The following HS3ST4 variants were observed in gnomAD, a reference collection of about 807,000 sequenced individuals.
HS3ST4 encodes the protein heparan sulfate-glucosamine 3-sulfotransferase 4, also known as heparan sulfate glucosamine 3-O-sulfotransferase 4.
Under a neutral mutation model 29.2 loss-of-function variants are expected in HS3ST4, and 17 were observed. The observed-to-expected ratio is 0.58, with a 90% CI of 0.40 to 0.87. The LOEUF (loss-of-function observed/expected upper bound fraction) is 0.87, where lower values mean the gene tolerates loss of function less well. Among genes scored for constraint, HS3ST4 ranks in the 40% least tolerant of loss-of-function variants. The pLI is 0.00. For missense variants in HS3ST4, 627 were observed against 634.5 expected (o/e 0.99, Z 0.13); for synonymous variants, 314 against 285.7 (o/e 1.10, Z -1.00).
At chr16:25,979,712 A>T (rs1265645522) in intron 1 of HS3ST4, among the ~76,000 whole-genome samples, 1 of 152,232 alleles carries the variant, frequency 6.6e-6, no homozygotes, top group African/African-American at 2.4e-5. Flanking sequence ...CGCTTGAATC[A>T]TCCCGAAACC....
At chr16:26,129,732 C>A (rs1488380223) in intron 1 of HS3ST4, among the ~76,000 whole-genome samples, 4 of 152,158 alleles carry the variant, frequency 2.6e-5, no homozygotes, top group Non-Finnish European at 5.9e-5. Context: ...CTTGGTAAGT[C>A]TAGATCCTGG....
At chr16:26,086,085 C>T (rs561235827) in intron 1 of HS3ST4, among the ~76,000 whole-genome samples, 55 of 152,004 alleles carry the variant, frequency 3.6e-4, no homozygotes, top group African/African-American at 1.3e-3. Context: ...TTATCTAGGG[C>T]AGTCCTGGAA....
chr16:25,905,066 ACT>A lies in HS3ST4; in HGVS notation c.734+211920_734+211921del, dbSNP rs570324930. ...CGGAGGCATGGGTCAGTTATTAGGA[ACT>A]CTCTGACAGATTTAATGCTGGAGTA... On this transcript the variant is annotated intron_variant, in intron 1 of 1. Coordinates refer to ENST00000331351, the MANE Select transcript of HS3ST4 (RefSeq NM_006040.3). Among the ~76,000 whole-genome samples the A allele has an allele frequency of 1.2e-4, 18 of 152,102 alleles. No individual in the cohort carries two copies. The East Asian group carries it at 3.5e-3, about 29-fold the overall frequency.
intron 1 of HS3ST4, among the ~76,000 whole-genome samples, chr16:25,798,528 AC>A (rs1217025661): frequency 2.0e-5 from 3 of 152,116 alleles, no homozygotes; most frequent in Admixed American, 6.5e-5. Context: ...AGAAATGTGT[AC>A]TTGCAAGTTT....
chr16:25,887,132 G>A (rs1967961806), intron 1 of HS3ST4, among the ~76,000 whole-genome samples: 2 of 152,088 alleles, frequency 1.3e-5, no homozygotes, highest in Non-Finnish European at 1.5e-5. Flanking sequence ...ACCTGGGGGT[G>A]GGGGAGAAAA....
At chr16:25,852,345 C>T (rs1967530271) in intron 1 of HS3ST4, among the ~76,000 whole-genome samples, 2 of 151,950 alleles carry the variant, frequency 1.3e-5, no homozygotes, top group Non-Finnish European at 2.9e-5. Flanking sequence ...GCAGGATGTG[C>T]AGGTTTGTTA....
chr16:25,923,554 G>A (rs145841484), intron 1 of HS3ST4, among the ~76,000 whole-genome samples: 1 of 152,042 alleles, frequency 6.6e-6, no homozygotes, highest in African/African-American at 2.4e-5. Context: ...TTGTTTTGGG[G>A]GATGACCCTT....
intron 1 of HS3ST4, among the ~76,000 whole-genome samples, chr16:25,953,112 C>G (rs1417687501): frequency 1.3e-5 from 2 of 152,204 alleles, no homozygotes; most frequent in Non-Finnish European, 2.9e-5. Context: ...AAATTGCATC[C>G]TGGCACAGTT....
intron 1 of HS3ST4, among the ~76,000 whole-genome samples, chr16:25,979,482 A>G (rs773689685): frequency 3.9e-5 from 6 of 152,132 alleles, no homozygotes; most frequent in Admixed American, 1.3e-4. Flanking sequence ...CATGAACACT[A>G]TTGTGAACTT....
rs568032981 is a variant in HS3ST4, at chr16:26,126,689, T to G, written c.735-8923T>G. Among the ~76,000 whole-genome samples the G allele has an allele frequency of 3.9e-5, 6 of 152,290 alleles. No homozygotes were observed. In the South Asian group the frequency reaches 1.2e-3, roughly 32 times the overall value. On this transcript the variant is annotated intron_variant, in intron 1 of 1. Transcript: ENST00000331351. ...GACCCCTGAGGGGGATGTGGCAGTG[T>G]CTGCAGACATCTGTGGTTGTCATGA... is the stretch of plus-strand genomic sequence containing the variant.
At chr16:25,949,269 T>C (rs976694905) in intron 1 of HS3ST4, among the ~76,000 whole-genome samples, 1 of 152,162 alleles carries the variant, frequency 6.6e-6, no homozygotes, top group African/African-American at 2.4e-5. Flanking sequence ...ATCATGACTA[T>C]AGTCATCCTA....
chr16:26,066,350 C>T (rs189871970), intron 1 of HS3ST4, among the ~76,000 whole-genome samples: 38 of 152,230 alleles, frequency 2.5e-4, no homozygotes, highest in Admixed American at 2.2e-3. Context: ...GTGGGAGGAA[C>T]GGTATTCTCT....
intron 1 of HS3ST4, among the ~76,000 whole-genome samples, chr16:25,896,486 A>C (rs972094912): frequency 6.6e-6 from 1 of 152,234 alleles, no homozygotes; most frequent in Non-Finnish European, 1.5e-5. Flanking sequence ...TTTGTTAAAA[A>C]GTTAAAAAAT....
intron 1 of HS3ST4, among the ~76,000 whole-genome samples, chr16:25,810,092 G>A (rs966841148): frequency 2.0e-5 from 3 of 152,000 alleles, no homozygotes; most frequent in African/African-American, 4.8e-5. Context: ...CTTTTCTAAA[G>A]TAAGAATTTA....
intron 1 of HS3ST4, among the ~76,000 whole-genome samples, chr16:25,999,321 T>G (rs1458837281): frequency 6.6e-6 from 1 of 152,102 alleles, no homozygotes; most frequent in African/African-American, 2.4e-5. Context: ...ATGGGGTGGG[T>G]TTTTCTTCAC....
chr16:25,832,672 A>C (rs2141640410), intron 1 of HS3ST4, among the ~76,000 whole-genome samples: 1 of 152,378 alleles, frequency 6.6e-6, no homozygotes, highest in Admixed American at 6.5e-5. Context: ...TATACTATGC[A>C]GCCTCGACAT....
chr16:25,966,961 C>T (rs888251019), intron 1 of HS3ST4, among the ~76,000 whole-genome samples: 24 of 152,064 alleles, frequency 1.6e-4, no homozygotes, highest in Non-Finnish European at 2.9e-5. Flanking sequence ...GGTACCCAGG[C>T]CTGCAGCATC....
At chr16:25,802,955 GTGTGTGTGTA>G (rs1966953957) in intron 1 of HS3ST4, among the ~76,000 whole-genome samples, 7 of 145,032 alleles carry the variant, frequency 4.8e-5, no homozygotes, top group African/African-American at 1.5e-4. Flanking sequence ...GTGTGTGTGT[GTGTGTGTGTA>G]TATATTTCTT....
intron 1 of HS3ST4, among the ~76,000 whole-genome samples, chr16:25,859,257 A>G (rs8051140): frequency 6.6e-6 from 1 of 152,054 alleles, no homozygotes; most frequent in South Asian, 2.1e-4. Context: ...TCTGAAGCAG[A>G]CAGCAGCAAA....
Sources: gnomAD v4.1 joint callset for allele counts (sites outside exome capture counted in the v4.1 genomes callset) on GRCh38, gnomAD v4.1.1 for gene constraint, MANE v1.5 for transcripts, NCBI Gene and HGNC (gene_info 2026-07-23, HGNC 2026-07-21) for gene names.